The following WDR33 variants were observed in gnomAD, a reference collection of about 807,000 sequenced individuals.
WDR33 encodes WD repeat domain 33.
Under a neutral mutation model 164.9 loss-of-function variants are expected in WDR33, and 47 were observed. The observed-to-expected ratio is 0.29, with a 90% confidence interval of 0.23 to 0.36. WDR33 has a LOEUF of 0.36. Ranked by LOEUF, WDR33 falls within the 10% of genes least tolerant of loss-of-function variation. WDR33 has a pLI of 1.00. For synonymous variants in WDR33, 505 were observed against 589.0 expected, an observed-to-expected ratio of 0.86 and a Z score of 2.06; for missense variants, 1,137 against 1,754.1, an observed-to-expected ratio of 0.65 and a Z score of 6.28.
intron 17 of WDR33, among the ~76,000 whole-genome samples, chr2:127,715,088 C>CT (rs386391178): frequency 0.082 from 8,929 of 108,552 alleles, 612 homozygotes; most frequent in African/African-American, 0.12. Context: ...TTCTTTGTTT[C>CT]TTTTTTTTTT....
intron 7 of WDR33, among the ~76,000 whole-genome samples, chr2:127,756,586 G>T (rs559357756): frequency 6.6e-6 from 1 of 152,026 alleles, no homozygotes; most frequent in Non-Finnish European, 1.5e-5. Flanking sequence ...GACCTGATAA[G>T]CTGAGATTTA....
chr2:127,763,234 A>C lies in WDR33; in HGVS notation c.627-75T>G, dbSNP rs1215946259. 1 of 1,608,012 alleles carries C rather than the reference A, an allele frequency of 6.2e-7. No homozygotes were observed. The highest frequency in any genetic ancestry group is 8.5e-7 in the Non-Finnish European group (1 of 1,176,420). On this transcript the variant is annotated intron_variant, in intron 6 of 21. Coordinates refer to ENST00000322313, the MANE Select transcript of WDR33 (RefSeq NM_018383.5). The surrounding 1 kb of genome is among the most constrained non-coding windows in gnomAD (Gnocchi z 4.5). ...TAATCTGTGCTTCTCAGACAGGGAA[A>C]AATAAAAACACTGTGCTGCATTATA... is the stretch of plus-strand genomic sequence containing the variant.
In WDR33 at chr2:127,724,506, C is replaced by A; in HGVS notation, c.1086-63G>T. 1 of 1,388,502 alleles carries A rather than the reference C, an allele frequency of 7.2e-7. No individual in the cohort carries two copies. The highest frequency in any genetic ancestry group is 1.2e-5 in the South Asian group (1 of 83,986). The allele number at this position is 1,388,502 out of a possible 1,614,324, so 86.0% of individuals were successfully genotyped here. ...AGTTACCCAGCTTCTCCCTCCCCCT[C>A]AAAAAAGACATTTTCTGTTACTCTT... On this transcript the variant is annotated intron_variant, in intron 10 of 21. Transcript: ENST00000322313. This position sits in a 1 kb window ranked among gnomAD's most constrained non-coding sequence, Gnocchi z 4.8.
intron 7 of WDR33, among the ~76,000 whole-genome samples, chr2:127,730,376 A>G (rs1183898572): frequency 6.6e-6 from 1 of 152,184 alleles, no homozygotes; most frequent in Non-Finnish European, 1.5e-5. Context: ...TCAAATGATA[A>G]AATTCTGACC....
chr2:127,797,047 A>G (rs1052358991), intron 1 of WDR33, among the ~76,000 whole-genome samples: 3 of 152,080 alleles, frequency 2.0e-5, no homozygotes, highest in Non-Finnish European at 4.4e-5. Flanking sequence ...CACAAAGCAC[A>G]TGAATGTCCA....
intron 7 of WDR33, among the ~76,000 whole-genome samples, chr2:127,754,282 G>A (rs1233313248): frequency 2.0e-5 from 3 of 152,110 alleles, no homozygotes; most frequent in African/African-American, 4.8e-5. Flanking sequence ...TAAAACTAAC[G>A]TTAATATTAT....
chr2:127,710,767 GGCCA>G lies in WDR33; in HGVS notation c.3309-915_3309-912del, dbSNP rs1382249754. On this transcript the variant is annotated intron_variant, in intron 18 of 21. Coordinates refer to ENST00000322313, the MANE Select transcript of WDR33 (RefSeq NM_018383.5). The surrounding 1 kb of genome is among the most constrained non-coding windows in gnomAD (Gnocchi z 4.4). ...GCATGAGCTGCATGGCCTCCTCCCA[GGCCA>G]GGCCTCTGCTCTTCCTCAGGTTTCC... Among the ~76,000 whole-genome samples the G allele has an allele frequency of 2.6e-5, 4 of 152,132 alleles. No homozygotes were observed. The highest frequency in any genetic ancestry group is 9.7e-5 in the African/African-American group (4 of 41,424).
At chr2:127,792,801 C>A (rs1688887204) in intron 1 of WDR33, among the ~76,000 whole-genome samples, 1 of 152,116 alleles carries the variant, frequency 6.6e-6, no homozygotes. Flanking sequence ...TCAAGCTATA[C>A]TTTTCACTTG....
At position 127,721,758 on chromosome 2, in the gene WDR33, C is replaced by CT; in HGVS notation, c.1671+77dup. ...CCATGGGAGAGCCCCTTCCCTTTTCCTTAAGAGCCTATCAATAAAAATGTC... is the reference window on the plus strand; with the variant it reads ...CCATGGGAGAGCCCCTTCCCTTTTCCTTTAAGAGCCTATCAATAAAAATGTC... On this transcript the variant is annotated intron_variant, in intron 15 of 21. Transcript: ENST00000322313. The surrounding 1 kb of genome is among the most constrained non-coding windows in gnomAD (Gnocchi z 4.9). 1 of 1,463,932 alleles carries CT rather than the reference C, an allele frequency of 6.8e-7. No individual in the cohort carries two copies. Among genetic ancestry groups the CT allele is most frequent in the Non-Finnish European group, 9.1e-7 (1 of 1,096,538 alleles). The allele number at this position is 1,463,932 out of a possible 1,614,324, so 90.7% of individuals were successfully genotyped here.
At chr2:127,758,674 T>A (rs1687588885) in intron 7 of WDR33, among the ~76,000 whole-genome samples, 1 of 152,158 alleles carries the variant, frequency 6.6e-6, no homozygotes, top group Admixed American at 6.5e-5. Context: ...AAATAAAATA[T>A]GATGTCTCTC....
At chr2:127,762,054 G>C (rs72846268) in intron 7 of WDR33, among the ~76,000 whole-genome samples, 1 of 152,040 alleles carries the variant, frequency 6.6e-6, no homozygotes, top group Non-Finnish European at 1.5e-5. Context: ...GAAACTTAAC[G>C]ATTCAACCAA....
At position 127,723,364 on chromosome 2, in the gene WDR33, AG is replaced by A. The variant is rs1686486640; in HGVS notation, c.1197-18del. Reference sequence around the variant, plus strand: ...CAGAATTTGCTGTAAAAATAATTAAAGGAGAAAAGAAGCATGGCTTCACTAT... The same window carrying A: ...CAGAATTTGCTGTAAAAATAATTAAAGAGAAAAGAAGCATGGCTTCACTAT... On this transcript the variant is annotated intron_variant, in intron 11 of 21. Coordinates refer to ENST00000322313, the MANE Select transcript of WDR33 (RefSeq NM_018383.5). The surrounding 1 kb of genome is among the most constrained non-coding windows in gnomAD (Gnocchi z 5.9). 6.2e-7 allele frequency: 1 copy of A among 1,610,538 alleles called. No individual in the cohort carries two copies.
intron 7 of WDR33, among the ~76,000 whole-genome samples, chr2:127,759,622 C>T (rs761013520): frequency 3.3e-5 from 5 of 152,078 alleles, no homozygotes; most frequent in Non-Finnish European, 4.4e-5. Flanking sequence ...ACCCGAGAGG[C>T]GGAGGTTGCA....
At position 127,723,426 on chromosome 2, in the gene WDR33, G is replaced by A; in HGVS notation, c.1197-79C>T. 1 of 1,085,606 alleles carries A rather than the reference G, an allele frequency of 9.2e-7. No individual in the cohort carries two copies. The highest frequency in any genetic ancestry group is 1.4e-6 in the Non-Finnish European group (1 of 729,728). 67.2% of individuals were successfully genotyped at this position (1,085,606 alleles called of 1,614,324 possible). ...ACTAAACAGTACTAGGCAGACCCTT[G>A]GTAAACACAACACATTTTTACAATT... On this transcript the variant is annotated intron_variant, in intron 11 of 21. Coordinates refer to ENST00000322313, the MANE Select transcript of WDR33 (RefSeq NM_018383.5). The surrounding 1 kb of genome is among the most constrained non-coding windows in gnomAD (Gnocchi z 5.9).
At chr2:127,799,053 T>TA (rs1321992929) in intron 1 of WDR33, 1 of 152,092 alleles carries the variant, frequency 6.6e-6, no homozygotes, top group African/African-American at 2.4e-5. Context: ...TGCTTTCTAA[T>TA]AAAAAAGTCA....
chr2:127,765,795 A>T (rs547282232), intron 4 of WDR33, among the ~76,000 whole-genome samples: 11 of 141,160 alleles, frequency 7.8e-5, no homozygotes, highest in East Asian at 4.0e-4. Context: ...AAACATATTT[A>T]AAAAAAAAAA....
chr2:127,783,526 T>C (rs1688446401), intron 1 of WDR33, among the ~76,000 whole-genome samples: 1 of 151,464 alleles, frequency 6.6e-6, no homozygotes, highest in Admixed American at 6.6e-5. Context: ...CTGGATTAAG[T>C]AATTTGGACA....
At chr2:127,801,452 G>A (rs751744534) in intron 1 of WDR33, among the ~76,000 whole-genome samples, 4 of 149,398 alleles carry the variant, frequency 2.7e-5, no homozygotes, top group South Asian at 2.1e-4. Flanking sequence ...ACTTTGAGGC[G>A]AAGACCAGCC....
intron 1 of WDR33, among the ~76,000 whole-genome samples, chr2:127,788,484 ACCTCCCTC>A (rs1688698154): frequency 1.3e-5 from 1 of 77,406 alleles, no homozygotes; most frequent in Non-Finnish European, 2.5e-5. Context: ...TGACACCCCC[ACCTCCCTC>A]CCGGACGGGG....
Sources: gnomAD v4.1 joint callset for allele counts (sites outside exome capture counted in the v4.1 genomes callset) on GRCh38, gnomAD v4.1.1 for gene constraint, Gnocchi (gnomAD v3.1) non-coding constraint, MANE v1.5 for transcripts, NCBI Gene and HGNC (gene_info 2026-07-23, HGNC 2026-07-21) for gene names.